The following TBC1D22B variants were observed in gnomAD, a reference collection of about 807,000 sequenced individuals.
TBC1D22B encodes TBC1 domain family member 22B, also known as chromosome 6 open reading frame 197.
Under a neutral mutation model 69.1 loss-of-function variants are expected in TBC1D22B, and 32 were observed. That is an observed-to-expected ratio of 0.46 (90% confidence interval 0.35 to 0.62). The LOEUF is 0.62. Among genes scored for constraint, TBC1D22B ranks in the 20% least tolerant of loss-of-function variants. TBC1D22B has a pLI of 0.00. For synonymous variants in TBC1D22B, 206 were observed against 229.8 expected (o/e 0.90, Z 0.94); for missense variants, 462 against 630.9 (o/e 0.73, Z 2.87).
chr6:37,264,378 T>G (rs572028341), intron 1 of TBC1D22B, among the ~76,000 whole-genome samples: 2 of 152,310 alleles, frequency 1.3e-5, no homozygotes, highest in Non-Finnish European at 2.9e-5. Context: ...AATGGCACGA[T>G]CTCGGCTCAC....
intron 8 of TBC1D22B, among the ~76,000 whole-genome samples, chr6:37,307,071 C>G (rs766678980): frequency 1.6e-4 from 25 of 152,336 alleles, no homozygotes; most frequent in Non-Finnish European, 3.2e-4. Context: ...TCTACACTTA[C>G]AGGTTTGCAG....
rs144005706 is a variant in TBC1D22B, at chr6:37,310,623, G to A, written c.983-2295G>A. 8.9e-3 allele frequency among the ~76,000 whole-genome samples: 1,352 copies of A among 152,304 alleles called. 18 individuals are homozygous for A. The highest frequency in any genetic ancestry group is 0.03 in the African/African-American group (1,242 of 41,560). ...GTAGAGGCTGCAGTGAGCTGAGATC[G>A]TGCCATTGCACTCCAGCCTGGGAGA... On this transcript the variant is annotated intron_variant, in intron 8 of 12. Coordinates refer to ENST00000373491, the MANE Select transcript of TBC1D22B (RefSeq NM_017772.4).
At position 37,257,815 on chromosome 6, in the gene TBC1D22B, CG is replaced by C. The variant is rs923170205; in HGVS notation, c.-101del. 26 of 1,311,824 alleles carry C rather than the reference CG, an allele frequency of 2.0e-5. No homozygotes were observed. In the African/African-American group the frequency reaches 2.6e-4, roughly 13 times the overall value. 81.3% of individuals were successfully genotyped at this position (1,311,824 alleles called of 1,614,324 possible). ...CCAGGAGCTGGGAGCGGGTGACCGG[CG>C]GCGGGGAAGCGGCCTGGGTTGGCCC... On this transcript the variant is annotated 5_prime_UTR_variant, in exon 1 of 13. Transcript: ENST00000373491.
In TBC1D22B at chr6:37,263,731, G is replaced by A. The variant is rs193112477; in HGVS notation, c.56+5758G>A. On this transcript the variant is annotated intron_variant, in intron 1 of 12. Coordinates refer to ENST00000373491, the MANE Select transcript of TBC1D22B (RefSeq NM_017772.4). Reference sequence around the variant, plus strand: ...CCCGAGTAGCTGGGACTACAGATGCGTGCCACCACACCCAGCTAATTTTCT... The same window carrying A: ...CCCGAGTAGCTGGGACTACAGATGCATGCCACCACACCCAGCTAATTTTCT... 3.5e-3 allele frequency among the ~76,000 whole-genome samples: 534 copies of A among 152,178 alleles called. 1 individual carries two copies. Among genetic ancestry groups the A allele is most frequent in the Middle Eastern group, 0.02 (6 of 294 alleles).
chr6:37,290,373 G>A (rs1340149180), intron 7 of TBC1D22B, among the ~76,000 whole-genome samples: 2 of 152,182 alleles, frequency 1.3e-5, no homozygotes, highest in Non-Finnish European at 2.9e-5. Context: ...TGGGAATTGT[G>A]GTCACCAGGA....
intron 8 of TBC1D22B, among the ~76,000 whole-genome samples, chr6:37,300,077 C>T (rs1281443479): frequency 1.3e-5 from 2 of 150,082 alleles, no homozygotes; most frequent in South Asian, 4.2e-4. Context: ...GTGGCTTTAA[C>T]ATTTAACTTT....
intron 8 of TBC1D22B, among the ~76,000 whole-genome samples, chr6:37,298,539 G>GTTTTTT (rs34996865): frequency 1.4e-4 from 10 of 71,254 alleles, no homozygotes; most frequent in African/African-American, 3.1e-4. Flanking sequence ...GTTGCCTACA[G>GTTTTTT]TTTTTTTTTT....
At chr6:37,273,564 C>G (rs1766568111) in intron 2 of TBC1D22B, among the ~76,000 whole-genome samples, 1 of 152,212 alleles carries the variant, frequency 6.6e-6, no homozygotes, top group Admixed American at 6.5e-5. Flanking sequence ...ATTGTTTTCT[C>G]ACCTGTTGAT....
intron 11 of TBC1D22B, 127 bp from the exon 12 acceptor site, chr6:37,316,984 C>T: frequency 1.4e-6 from 2 of 1,459,888 alleles, no homozygotes; most frequent in Middle Eastern, 1.8e-4. Context: ...TTTGCTAAGT[C>T]TCTTCAGAAC....
intron 10 of TBC1D22B, among the ~76,000 whole-genome samples, chr6:37,314,511 A>G (rs1768018696): frequency 6.6e-6 from 1 of 152,194 alleles, no homozygotes; most frequent in Non-Finnish European, 1.5e-5. Context: ...TCTTTGAGGA[A>G]CAGCCTTACA....
intron 8 of TBC1D22B, among the ~76,000 whole-genome samples, chr6:37,304,294 A>G (rs955732272): frequency 7.9e-5 from 12 of 152,208 alleles, no homozygotes; most frequent in African/African-American, 2.4e-4. Flanking sequence ...TTCTACTTCT[A>G]GGTATTTATT....
chr6:37,319,477 C>T (rs1248325957), intron 12 of TBC1D22B, among the ~76,000 whole-genome samples: 8 of 152,156 alleles, frequency 5.3e-5, no homozygotes, highest in Non-Finnish European at 1.2e-4. Context: ...TTCACAATAT[C>T]GGCAGAACAG....
chr6:37,310,498 G>A (rs1022660614), intron 8 of TBC1D22B, among the ~76,000 whole-genome samples: 2 of 152,034 alleles, frequency 1.3e-5, no homozygotes, highest in African/African-American at 2.4e-5. Flanking sequence ...GTGAAACCCC[G>A]TCGCTACTGA....
At position 37,311,254 on chromosome 6, in the gene TBC1D22B, G is replaced by GT. The variant is rs781045161; in HGVS notation, c.983-1652dup. ...AAGCACCCCACCCTTCTCAAGAGGG[G>GT]TTTTTTTTTTTTCAGCCTTGATGTT... On this transcript the variant is annotated intron_variant, in intron 8 of 12. Transcript: ENST00000373491. Among the ~76,000 whole-genome samples the GT allele has an allele frequency of 1.8e-3, 249 of 141,668 alleles. 1 individual carries two copies. Among genetic ancestry groups the GT allele is most frequent in the Admixed American group, 1.8e-3 (26 of 14,198 alleles). 92.9% of individuals were successfully genotyped at this position (141,668 alleles called of 152,430 possible).
chr6:37,260,785 T>C (rs1339578452), intron 1 of TBC1D22B, among the ~76,000 whole-genome samples: 2 of 152,218 alleles, frequency 1.3e-5, no homozygotes, highest in Admixed American at 1.3e-4. Flanking sequence ...GCACAGTGAT[T>C]TCAGGCTTGT....
chr6:37,289,837 CCCATTAGAGT>C (rs1767121042), intron 7 of TBC1D22B, among the ~76,000 whole-genome samples: 1 of 152,012 alleles, frequency 6.6e-6, no homozygotes, highest in Non-Finnish European at 1.5e-5. Context: ...TAAGAGCGTT[CCCATTAGAGT>C]GTTGGGCCGA....
Position 37,331,148 on chromosome 6 carries a change from T to G in TBC1D22B, c.1494T>G (p.Asp498Glu), listed in dbSNP as rs767269767. The change falls in exon 13 of 13, where the codon GAT becomes GAG. Residue 498 changes from aspartate (D) to glutamate (E), a missense_variant. Around this residue, in one of 2 missense-constraint regions of TBC1D22B, gnomAD observed 225 missense variants for 375.4 expected, o/e 0.60. Transcript: ENST00000373491. ...EAYRLKYMFA[D>E]APNHYRR ...ACAGACTCAAGTACATGTTTGCCGA[T>G]GCCCCAAATCACTACCGCCGATAGG... The G allele has an allele frequency of 2.5e-6, 4 of 1,614,058 alleles. No homozygotes were observed. In the Admixed American group the frequency reaches 6.7e-5, roughly 27 times the overall value.
intron 2 of TBC1D22B, among the ~76,000 whole-genome samples, chr6:37,275,080 A>G (rs1766624740): frequency 6.6e-6 from 1 of 152,076 alleles, no homozygotes; most frequent in Non-Finnish European, 1.5e-5. Flanking sequence ...AATCTTGGTT[A>G]GACTTCAAGC....
At chr6:37,260,580 C>T (rs184880390) in intron 1 of TBC1D22B, among the ~76,000 whole-genome samples, 107 of 152,280 alleles carry the variant, frequency 7.0e-4, no homozygotes, top group African/African-American at 2.5e-3. Context: ...GCAACCATCA[C>T]CACTAATTTC....
Sources: gnomAD v4.1 joint callset for allele counts (sites outside exome capture counted in the v4.1 genomes callset) on GRCh38, gnomAD v4.1.1 for gene constraint, gnomAD v4.1.1 regional missense constraint, MANE v1.5 for transcripts, NCBI Gene and HGNC (gene_info 2026-07-23, HGNC 2026-07-21) for gene names.